SPAG16: variants seen among roughly 807,000 people sequenced by gnomAD.
The protein encoded by SPAG16 is sperm associated antigen 16, also known as sperm-associated antigen 16 protein.
A neutral mutation model predicts 80.4 loss-of-function variants in SPAG16; 86 were observed. The ratio of observed to expected loss-of-function variants is 1.07; its 90% CI spans 0.90 to 1.28. SPAG16 has a LOEUF of 1.28. Among genes scored for constraint, SPAG16 ranks in the 50% most tolerant of loss-of-function variants. The pLI is 0.00. For missense variants in SPAG16, 870 were observed against 765.3 expected, an observed-to-expected ratio of 1.14 and a Z score of -1.61; for synonymous variants, 294 against 265.9, an observed-to-expected ratio of 1.11 and a Z score of -1.03.
At chr2:213,865,139 A>G (rs1250388453) in intron 11 of SPAG16, among the ~76,000 whole-genome samples, 3 of 152,064 alleles carry the variant, frequency 2.0e-5, no homozygotes, top group African/African-American at 7.2e-5. Context: ...AGTATAATTA[A>G]CAGTATATAT....
Position 213,984,996 on chromosome 2 carries a change from T to G in SPAG16, c.1401-28955T>G, listed in dbSNP as rs189075387. Among the ~76,000 whole-genome samples, 160 of 152,234 alleles carry G rather than the reference T, an allele frequency of 1.1e-3. 1 individual carries two copies. Among genetic ancestry groups the G allele is most frequent in the African/African-American group, 3.5e-3 (146 of 41,568 alleles). ...GTACCTTCCAATACCTTTTTTTATT[T>G]ATTGAACTTTGGTAAGTTTAAGCAT... On this transcript the variant is annotated intron_variant, in intron 12 of 15. Coordinates refer to ENST00000331683, the MANE Select transcript of SPAG16 (RefSeq NM_024532.5).
intron 7 of SPAG16, among the ~76,000 whole-genome samples, chr2:213,360,368 T>C (rs1480743498): frequency 6.6e-6 from 1 of 152,218 alleles, no homozygotes; most frequent in Non-Finnish European, 1.5e-5. Context: ...CTGATATCTA[T>C]TGCAAAAGGT....
chr2:213,540,502 T>C (rs967534771), intron 10 of SPAG16, among the ~76,000 whole-genome samples: 3 of 152,340 alleles, frequency 2.0e-5, no homozygotes, highest in East Asian at 1.9e-4. Flanking sequence ...TATAAATCAA[T>C]GAAAATTTAA....
chr2:214,220,210 G>A (rs2058532685), intron 15 of SPAG16, among the ~76,000 whole-genome samples: 1 of 152,062 alleles, frequency 6.6e-6, no homozygotes, highest in East Asian at 1.9e-4. Flanking sequence ...CACATTTTTA[G>A]AAAGTCTTGA....
At chr2:213,435,711 AC>A (rs1172904641) in intron 9 of SPAG16, among the ~76,000 whole-genome samples, 3 of 152,226 alleles carry the variant, frequency 2.0e-5, no homozygotes, top group African/African-American at 7.2e-5. Flanking sequence ...ATCTAAAATG[AC>A]TGATAAAAGA....
In SPAG16 at chr2:213,686,490, A is replaced by G. The variant is rs533850417; in HGVS notation, c.1071-175995A>G. On this transcript the variant is annotated intron_variant, in intron 10 of 15. Coordinates refer to ENST00000331683, the MANE Select transcript of SPAG16 (RefSeq NM_024532.5). ...GTCATCCCAGTTTTTTATTATTAGC[A>G]TGACGTATTATTTCCCACTATTTTA... 1.5e-4 allele frequency among the ~76,000 whole-genome samples: 23 copies of G among 152,130 alleles called. No individual in the cohort carries two copies. The East Asian group carries it at 2.1e-3, about 14-fold the overall frequency.
intron 5 of SPAG16, 45 bp downstream of exon 5, chr2:213,317,401 T>C (rs1420716745): frequency 1.3e-6 from 2 of 1,567,700 alleles, no homozygotes; most frequent in Non-Finnish European, 8.6e-7. Context: ...TCTTTTGGAC[T>C]AAATAAAAGA....
chr2:213,968,387 T>G (rs2044831543), intron 12 of SPAG16, among the ~76,000 whole-genome samples: 1 of 152,176 alleles, frequency 6.6e-6, no homozygotes, highest in African/African-American at 2.4e-5. Flanking sequence ...GGAGACAGGG[T>G]TTGCCATGTT....
At chr2:213,692,640 C>T (rs752526879) in intron 10 of SPAG16, among the ~76,000 whole-genome samples, 9 of 151,954 alleles carry the variant, frequency 5.9e-5, no homozygotes, top group Non-Finnish European at 8.8e-5. Context: ...GAAACCCCGA[C>T]TCTACTAAAA....
At chr2:214,066,030 C>T (rs940342513) in intron 13 of SPAG16, among the ~76,000 whole-genome samples, 1 of 152,188 alleles carries the variant, frequency 6.6e-6, no homozygotes, top group Non-Finnish European at 1.5e-5. Context: ...GATGAAATCA[C>T]CTTCAAATTA....
At chr2:213,817,829 G>C (rs11691696) in intron 10 of SPAG16, among the ~76,000 whole-genome samples, 92,383 of 151,868 alleles carry the variant, frequency 0.61, 30,108 homozygotes, top group South Asian at 0.87. Flanking sequence ...ATGGGAAAGA[G>C]GGAGGTGGGT....
chr2:213,520,047 G>A (rs1197717822), intron 10 of SPAG16, among the ~76,000 whole-genome samples: 1 of 150,910 alleles, frequency 6.6e-6, no homozygotes, highest in Admixed American at 6.6e-5. Flanking sequence ...ACACACGAGA[G>A]AGAGAGAGAA....
chr2:213,539,947 C>G (rs181906164), intron 10 of SPAG16, among the ~76,000 whole-genome samples: 43 of 151,888 alleles, frequency 2.8e-4, no homozygotes, highest in Admixed American at 2.4e-3. Flanking sequence ...GTTGTAATCG[C>G]CTTGGTCAGC....
At chr2:213,733,377 C>T (rs999291184) in intron 10 of SPAG16, among the ~76,000 whole-genome samples, 1 of 152,118 alleles carries the variant, frequency 6.6e-6, no homozygotes, top group African/African-American at 2.4e-5. Context: ...CAGTTTTCTT[C>T]CTCCAGTTGG....
intron 15 of SPAG16, among the ~76,000 whole-genome samples, chr2:214,218,001 A>T (rs774538130): frequency 3.3e-5 from 5 of 152,194 alleles, no homozygotes; most frequent in Non-Finnish European, 7.3e-5. Flanking sequence ...TTTTAGGTTA[A>T]TGCATATTTT....
intron 10 of SPAG16, among the ~76,000 whole-genome samples, chr2:213,818,748 T>C (rs934370930): frequency 6.6e-6 from 1 of 152,134 alleles, no homozygotes; most frequent in Non-Finnish European, 1.5e-5. Flanking sequence ...GATTGTACCA[T>C]GGGGGTGGTT....
intron 10 of SPAG16, among the ~76,000 whole-genome samples, chr2:213,804,984 T>C (rs1333145914): frequency 6.6e-6 from 1 of 152,212 alleles, no homozygotes; most frequent in Non-Finnish European, 1.5e-5. Flanking sequence ...GAATGGCTTA[T>C]TGGAAATTTT....
intron 10 of SPAG16, among the ~76,000 whole-genome samples, chr2:213,811,423 G>T (rs1347421621): frequency 2.0e-5 from 3 of 152,044 alleles, no homozygotes; most frequent in Non-Finnish European, 4.4e-5. Flanking sequence ...TAAATCTTCT[G>T]TGTCTGTGTA....
In SPAG16 at chr2:213,429,539, C is replaced by G. The variant is rs546330254; in HGVS notation, c.942+54420C>G. ...AAGAACTATTGGCCTGAAGTTCGGC[C>G]TACACAATCCAATACAAAATTTACT... On this transcript the variant is annotated intron_variant, in intron 9 of 15. Transcript: ENST00000331683. 3.9e-5 allele frequency among the ~76,000 whole-genome samples: 6 copies of G among 152,264 alleles called. No homozygotes were observed. The South Asian group carries it at 1.2e-3, about 32-fold the overall frequency.
Sources: allele counts gnomAD v4.1 joint callset (sites outside exome capture counted in the v4.1 genomes callset), GRCh38; gene constraint gnomAD v4.1.1; transcripts MANE v1.5; gene names NCBI Gene and HGNC (gene_info 2026-07-23, HGNC 2026-07-21).